The following FRMPD4 variants were observed in gnomAD, a reference collection of about 807,000 sequenced individuals.
FRMPD4 encodes the protein FERM and PDZ domain-containing protein 4.
Under a neutral mutation model 94.1 loss-of-function variants are expected in FRMPD4, and 22 were observed. That is an observed-to-expected ratio of 0.23 (90% CI 0.17 to 0.33). The LOEUF is 0.33. FRMPD4 is among the 10% of genes least tolerant of loss of function. FRMPD4 has a pLI of 1.00. For missense variants in FRMPD4, 1,111 were observed against 1,339.9 expected, an observed-to-expected ratio of 0.83 and a Z score of 2.67; for synonymous variants, 631 against 548.6, an observed-to-expected ratio of 1.15 and a Z score of -2.10.
intron 5 of FRMPD4, among the ~76,000 whole-genome samples, chrX:12,675,151 C>G (rs750345258): frequency 4.5e-5 from 5 of 112,101 alleles, no homozygotes; most frequent in Non-Finnish European, 7.5e-5. Context: ...TATTCCAGTC[C>G]TATGCAATGG....
intron 1 of FRMPD4, among the ~76,000 whole-genome samples, chrX:12,199,253 GTGTGTGTGTGTGTGTGTA>G (rs982036057): frequency 3.0e-5 from 3 of 101,329 alleles, no homozygotes; most frequent in East Asian, 4.6e-4. Flanking sequence ...GTGTGTGTGT[GTGTGTGTGTGTGTGTGTA>G]TGTGTGTGTG....
At chrX:12,016,129 A>C (rs1014114266) in intron 3 of FRMPD4, among the ~76,000 whole-genome samples, 4 of 112,134 alleles carry the variant, frequency 3.6e-5, no homozygotes, top group Non-Finnish European at 5.6e-5. Context: ...ATGCAGGGAA[A>C]ATTATACACC....
At chrX:11,897,444 G>A (rs937396131) in intron 3 of FRMPD4, among the ~76,000 whole-genome samples, 1 of 111,699 alleles carries the variant, frequency 9.0e-6, no homozygotes, top group African/African-American at 3.3e-5. Flanking sequence ...AGAAAAGGGT[G>A]GGGGTATGGC....
chrX:12,719,252 G>C (rs190460822), intron 16 of FRMPD4, among the ~76,000 whole-genome samples: 7 of 112,495 alleles, frequency 6.2e-5, no homozygotes, highest in Non-Finnish European at 1.3e-4. Flanking sequence ...TTTGCCTTTC[G>C]GCAATCTTAC....
intron 1 of FRMPD4, among the ~76,000 whole-genome samples, chrX:12,329,594 T>C (rs1054925407): frequency 9.0e-5 from 10 of 110,746 alleles, no homozygotes; most frequent in African/African-American, 3.3e-4. Context: ...AGAAAGTAAA[T>C]GTGGGCAACA....
chrX:11,838,269 A>G lies in FRMPD4; in HGVS notation c.-161+15554A>G, dbSNP rs181725193. Among the ~76,000 whole-genome samples the G allele has an allele frequency of 5.2e-3, 577 of 111,287 alleles. 8 individuals carry two copies. The highest frequency in any genetic ancestry group is 0.044 in the Admixed American group (457 of 10,401). The stretch of plus-strand genomic sequence containing the variant: ...TCCCCACCCACAAAAAAACTGTAAT[A>G]TAAATATATACTTCGGTTCAGTACA... On this transcript the variant is annotated intron_variant, in intron 1 of 18. Coordinates refer to the FRMPD4 transcript ENST00000640291.
chrX:12,716,109 T>C lies in FRMPD4; in HGVS notation c.1650T>C (p.Asp550=). The stretch of plus-strand genomic sequence containing the variant: ...GGAAGCATAACCTCCTTGGCCCAGA[T>C]TGGAACTGTATACCCCAAATGACCA... ...NKGKHNLLGP[D]WNCIPQMTTF... Residue 550 remains aspartate, a synonymous_variant, in exon 15 of 17, where the codon GAT becomes GAC. Coordinates refer to ENST00000675598, the MANE Select transcript of FRMPD4 (RefSeq NM_001368397.1). The C allele has an allele frequency of 1.7e-6, 2 of 1,159,427 alleles. No homozygotes were observed. The highest frequency in any genetic ancestry group is 2.3e-6 in the Non-Finnish European group (2 of 864,049).
At chrX:12,351,519 G>T (rs763324755) in intron 1 of FRMPD4, among the ~76,000 whole-genome samples, 1 of 112,301 alleles carries the variant, frequency 8.9e-6, no homozygotes, top group South Asian at 3.7e-4. Context: ...TTATTAAGGT[G>T]TAACACACAG....
chrX:12,596,391 C>T (rs1301821554), intron 2 of FRMPD4, among the ~76,000 whole-genome samples: 1 of 111,740 alleles, frequency 8.9e-6, no homozygotes, highest in Non-Finnish European at 1.9e-5. Flanking sequence ...GTTGTGCTTT[C>T]TTTAATTACT....
chrX:12,710,971 A>T (rs752023061), intron 14 of FRMPD4, among the ~76,000 whole-genome samples: 2 of 111,841 alleles, frequency 1.8e-5, no homozygotes, highest in Non-Finnish European at 3.8e-5. Context: ...AAAAAATCAA[A>T]TGTCCAAATT....
At chrX:12,044,885 A>G (rs902445523) in intron 3 of FRMPD4, among the ~76,000 whole-genome samples, 10 of 112,080 alleles carry the variant, frequency 8.9e-5, no homozygotes, top group African/African-American at 3.2e-4. Context: ...ATTAGCGATT[A>G]TTAATCTGCT....
intron 1 of FRMPD4, among the ~76,000 whole-genome samples, chrX:12,415,511 C>T (rs2056788726): frequency 9.0e-6 from 1 of 111,636 alleles, no homozygotes; most frequent in Non-Finnish European, 1.9e-5. Context: ...CCAACACCCC[C>T]TTAGGTTTTT....
chrX:12,393,168 G>A (rs191614263), intron 1 of FRMPD4, among the ~76,000 whole-genome samples: 1 of 112,132 alleles, frequency 8.9e-6, no homozygotes, highest in Non-Finnish European at 1.9e-5. Flanking sequence ...AGTACTACTA[G>A]TAGAATTGCC....
intron 3 of FRMPD4, among the ~76,000 whole-genome samples, chrX:11,962,729 T>C (rs1246727900): frequency 2.7e-5 from 3 of 111,678 alleles, no homozygotes; most frequent in Non-Finnish European, 5.6e-5. Flanking sequence ...GTGCCTCCTA[T>C]TGAAAGAGGC....
chrX:12,102,618 A>G (rs185813251), intron 3 of FRMPD4, among the ~76,000 whole-genome samples: 59 of 111,389 alleles, frequency 5.3e-4, no homozygotes, highest in African/African-American at 1.8e-3. Context: ...TCCCAGTCAT[A>G]CTGTGTGCTC....
intron 1 of FRMPD4, among the ~76,000 whole-genome samples, chrX:12,193,771 AAAGG>A (rs756939563): frequency 2.7e-3 from 47 of 17,288 alleles, no homozygotes; most frequent in South Asian, 6.4e-3. Flanking sequence ...AGAAAGAAAG[AAAGG>A]AAGGAAGGAA....
chrX:11,975,288 A>G (rs2054361149), intron 3 of FRMPD4, among the ~76,000 whole-genome samples: 1 of 112,569 alleles, frequency 8.9e-6, no homozygotes, highest in African/African-American at 3.2e-5. Context: ...TGAATATGGA[A>G]TAAAGCATGC....
At chrX:12,440,856 CAGTGAAGAAACCAA>C (rs2057127715) in intron 1 of FRMPD4, among the ~76,000 whole-genome samples, 1 of 106,510 alleles carries the variant, frequency 9.4e-6, no homozygotes, top group African/African-American at 3.7e-5. Flanking sequence ...ACAGGATTCT[CAGTGAAGAAACCAA>C]AGAGATAGAT....
At position 12,468,768 on chromosome X, in the gene FRMPD4, G is replaced by A. The variant is rs1200632549; in HGVS notation, c.42-29912G>A. On this transcript the variant is annotated intron_variant, in intron 1 of 16. Transcript: ENST00000675598. ...GATACCCTGGATCAGACAGGTGTCTGCTCTTTTATTCCCTTGAAAGCACAC... is the reference window on the plus strand; with the variant it reads ...GATACCCTGGATCAGACAGGTGTCTACTCTTTTATTCCCTTGAAAGCACAC... 2.7e-5 allele frequency among the ~76,000 whole-genome samples: 3 copies of A among 111,814 alleles called. No individual in the cohort carries two copies. The East Asian group carries it at 8.4e-4, about 31-fold the overall frequency.
Sources: gnomAD v4.1 joint callset for allele counts (sites outside exome capture counted in the v4.1 genomes callset) on GRCh38, gnomAD v4.1.1 for gene constraint, MANE v1.5 for transcripts, NCBI Gene and HGNC (gene_info 2026-07-23, HGNC 2026-07-21) for gene names.